Variants in HPS5 observed in about 807,000 individuals in gnomAD.
HPS5 encodes the protein BLOC-2 complex member HPS5.
HPS5 carries 83 observed loss-of-function variants against 128.0 expected under a neutral mutation model. The ratio of observed to expected loss-of-function variants is 0.65; its 90% confidence interval spans 0.54 to 0.78. The LOEUF (loss-of-function observed/expected upper bound fraction) is 0.78, where lower values mean the gene tolerates loss of function less well. Among genes scored for constraint, HPS5 ranks in the 30% least tolerant of loss-of-function variants. The pLI is 0.00. For missense variants in HPS5, 1,281 were observed against 1,326.2 expected (o/e 0.97, Z 0.53); for synonymous variants, 475 against 470.2 (o/e 1.01, Z -0.13).
At chr11:18,292,851 A>C in intron 15 of HPS5, 48 bp downstream of exon 15, 1 of 1,353,194 alleles carries the variant, frequency 7.4e-7, no homozygotes. Context: ...CACTTCGTTT[A>C]CTAAACTGCC....
chr11:18,281,389 C>T (rs749133102), intron 22 of HPS5, among the ~76,000 whole-genome samples: 1 of 151,812 alleles, frequency 6.6e-6, no homozygotes, highest in Non-Finnish European at 1.5e-5. Flanking sequence ...CCACCGTACC[C>T]AGCCAGGTAC....
At chr11:18,312,288 C>T (rs186134813) in intron 2 of HPS5, among the ~76,000 whole-genome samples, 28 of 152,310 alleles carry the variant, frequency 1.8e-4, no homozygotes, top group African/African-American at 5.1e-4. Flanking sequence ...CCTTGGCAAA[C>T]GCTGGCTGTT....
At chr11:18,292,539 C>T (rs770177325) in intron 15 of HPS5, among the ~76,000 whole-genome samples, 2 of 152,228 alleles carry the variant, frequency 1.3e-5, no homozygotes, top group Non-Finnish European at 2.9e-5. Context: ...CTGCCCCAAA[C>T]TGTCTCAGGA....
intron 6 of HPS5, 77 bp from the exon 7 acceptor site, chr11:18,306,424 G>T: frequency 1.1e-6 from 1 of 908,272 alleles, no homozygotes; most frequent in Non-Finnish European, 1.8e-6. Context: ...AAATCAGCAT[G>T]GGCATAATAA....
At chr11:18,293,007 T>C in intron 14 of HPS5, 31 bp from the exon 15 acceptor site, 1 of 1,559,010 alleles carries the variant, frequency 6.4e-7, no homozygotes. Context: ...ACAATAACAT[T>C]CACAAGAGTT....
chr11:18,321,165 A>G (rs975013505), intron 1 of HPS5, among the ~76,000 whole-genome samples: 1 of 152,220 alleles, frequency 6.6e-6, no homozygotes, highest in Admixed American at 6.5e-5. Flanking sequence ...AAATATATAC[A>G]TAATATTGTA....
intron 12 of HPS5, 69 bp from the exon 13 acceptor site, chr11:18,296,191 A>T (rs1861050979): frequency 6.6e-7 from 1 of 1,513,574 alleles, no homozygotes. Context: ...ATCTTTAAAA[A>T]AATTCTGAAA....
At chr11:18,311,511 A>ATTATT (rs1554944989) in intron 3 of HPS5, 60 bp from the exon 4 acceptor site, 340 of 531,462 alleles carry the variant, frequency 6.4e-4, no homozygotes, top group South Asian at 1.0e-3. Context: ...TATTATTATT[A>ATTATT]TTTTTTTTTT....
rs1335699201 is a variant in HPS5 at position 18,305,496 on chromosome 11, A to G, written c.825-3T>C. On this transcript the variant is annotated splice_region_variant and splice_polypyrimidine_tract_variant and intron_variant, in intron 7 of 22. Coordinates refer to ENST00000349215, the MANE Select transcript of HPS5 (RefSeq NM_181507.2). ...TATGATCATACTGAGGTTCTGATCT[A>G]GAAAGTAAACACATCTGTTAATGAG... 6.3e-7 allele frequency: 1 copy of G among 1,595,666 alleles called. No individual in the cohort carries two copies. Among genetic ancestry groups the G allele is most frequent in the Middle Eastern group, 1.7e-4 (1 of 6,022 alleles).
chr11:18,287,238 C>T (rs1384684755), intron 18 of HPS5, among the ~76,000 whole-genome samples: 1 of 152,170 alleles, frequency 6.6e-6, no homozygotes, highest in African/African-American at 2.4e-5. Flanking sequence ...AGTGAATCTA[C>T]TCACTGCAAA....
At chr11:18,285,202 C>A in intron 20 of HPS5, 144 bp downstream of exon 20, 39 of 455,318 alleles carry the variant, frequency 8.6e-5, no homozygotes, top group South Asian at 1.3e-4. Context: ...GTTTAATTTA[C>A]TATCACTTAA....
intron 22 of HPS5, 114 bp from the exon 23 acceptor site, chr11:18,280,056 A>C (rs1405600330): frequency 9.3e-7 from 1 of 1,069,960 alleles, no homozygotes; most frequent in Admixed American, 2.0e-5. Context: ...GATTCTGTGC[A>C]TTAAAAGACA....
intron 6 of HPS5, among the ~76,000 whole-genome samples, chr11:18,307,300 G>A (rs752617699): frequency 1.4e-4 from 21 of 152,208 alleles, no homozygotes; most frequent in Admixed American, 5.2e-4. Flanking sequence ...GTTAACCTCA[G>A]ATAATTCAAT....
intron 22 of HPS5, among the ~76,000 whole-genome samples, chr11:18,280,986 C>A (rs547817326): frequency 6.6e-6 from 1 of 151,534 alleles, no homozygotes; most frequent in African/African-American, 2.4e-5. Flanking sequence ...CTTAATACCA[C>A]TGAGCTGAAT....
intron 9 of HPS5, 96 bp from the exon 10 acceptor site, chr11:18,299,066 C>A: frequency 8.2e-7 from 1 of 1,216,634 alleles, no homozygotes; most frequent in Admixed American, 1.8e-5. Context: ...TCATTTCTTA[C>A]GTAGGGTTTG....
At chr11:18,281,036 T>C (rs1325065993) in intron 22 of HPS5, among the ~76,000 whole-genome samples, 1 of 149,384 alleles carries the variant, frequency 6.7e-6, no homozygotes, top group South Asian at 2.1e-4. Context: ...ATGTGTATTA[T>C]ACCACAAAAA....
intron 9 of HPS5, 46 bp from the exon 10 acceptor site, chr11:18,299,016 C>T (rs1264636903): frequency 1.3e-6 from 2 of 1,558,588 alleles, no homozygotes; most frequent in East Asian, 2.2e-5. Context: ...AACCAAATAC[C>T]CCTTACAATT....
At chr11:18,280,817 G>A (rs1022738617) in intron 22 of HPS5, among the ~76,000 whole-genome samples, 1 of 152,216 alleles carries the variant, frequency 6.6e-6, no homozygotes, top group Non-Finnish European at 1.5e-5. Flanking sequence ...ATTCCACTGA[G>A]ATGAGGTATG....
At position 18,282,053 on chromosome 11, in the gene HPS5, C is replaced by T. The variant is rs780119665; in HGVS notation, c.3226G>A (p.Asp1076Asn). 57 of 1,614,118 alleles carry T rather than the reference C, an allele frequency of 3.5e-5. No individual in the cohort carries two copies. The highest frequency in any genetic ancestry group is 4.7e-5 in the Non-Finnish European group (55 of 1,180,056). ...ALLLAKAMGP[D>N]RAWSLLQECG... ...TCCTGTAGCAGTGACCAAGCCCGAT[C>T]TGGGCCCATGGCCTTAGCTAACAGA... The change falls in exon 22 of 23, where the codon GAT becomes AAT. Residue 1076 changes from aspartate (D) to asparagine (N), a missense_variant. Transcript: ENST00000349215.
Sources: gnomAD v4.1 joint callset for allele counts (sites outside exome capture counted in the v4.1 genomes callset) on GRCh38, gnomAD v4.1.1 for gene constraint, MANE v1.5 for transcripts, NCBI Gene and HGNC (gene_info 2026-07-23, HGNC 2026-07-21) for gene names.